CACNA2D1: variants seen among roughly 807,000 people sequenced by gnomAD.
The protein encoded by CACNA2D1 is voltage-dependent calcium channel subunit alpha-2/delta-1.
A neutral mutation model predicts 171.5 loss-of-function variants in CACNA2D1; 53 were observed. That is an observed-to-expected ratio of 0.31 (90% CI 0.25 to 0.39). The LOEUF (loss-of-function observed/expected upper bound fraction) is 0.39. CACNA2D1 is among the 10% of genes least tolerant of loss of function. The pLI, the probability that CACNA2D1 is intolerant of heterozygous loss-of-function variation, is 1.00. For synonymous variants in CACNA2D1, 442 were observed against 443.1 expected (o/e 1.00, Z 0.03); for missense variants, 903 against 1,299.8 (o/e 0.69, Z 4.69).
rs775065125 is a variant in CACNA2D1, at chr7:81,970,746, G to A, written c.2142-9C>T. The stretch of plus-strand genomic sequence containing the variant: ...GTGCTTTCACTCCCTTGCTGAAACA[G>A]AAGACAAAACAAGGAAATGTTCTAT... On this transcript the variant is annotated splice_polypyrimidine_tract_variant and intron_variant, in intron 26 of 38. Transcript: ENST00000356860. The A allele has an allele frequency of 9.0e-6, 14 of 1,548,340 alleles. No homozygotes were observed. Among genetic ancestry groups the A allele is most frequent in the Non-Finnish European group, 1.2e-5 (13 of 1,120,794 alleles).
At chr7:81,971,096 C>A in intron 26 of CACNA2D1, 1 of 247,836 alleles carries the variant, frequency 4.0e-6, no homozygotes, top group Non-Finnish European at 7.9e-6. Context: ...AGGAGAGAAA[C>A]AGTAAGAAGT....
At position 81,969,905 on chromosome 7, in the gene CACNA2D1, C is replaced by T. The variant is rs759061453; in HGVS notation, c.2284G>A (p.Val762Ile). Reference sequence around the variant, plus strand: ...CTGTTAAAGTAGGGAGCAGTGAAAACATAGTTATCATTATCTAGGCTCCTT... The same window carrying T: ...CTGTTAAAGTAGGGAGCAGTGAAAATATAGTTATCATTATCTAGGCTCCTT... The part of the protein sequence containing the change: ...YKRSLDNDNY[V>I]FTAPYFNKSG... Residue 762 changes from valine to isoleucine, a missense_variant, in exon 28 of 39, where the codon GTT (valine) becomes ATT (isoleucine). Coordinates refer to ENST00000356860, the MANE Select transcript of CACNA2D1 (RefSeq NM_000722.4). 6.2e-7 allele frequency: 1 copy of T among 1,602,970 alleles called. No individual in the cohort carries two copies. The highest frequency in any genetic ancestry group is 8.5e-7 in the Non-Finnish European group (1 of 1,171,064).
chr7:82,096,362 G>C (rs1429028822), intron 6 of CACNA2D1, among the ~76,000 whole-genome samples: 3 of 152,044 alleles, frequency 2.0e-5, no homozygotes, highest in Non-Finnish European at 4.4e-5. Context: ...AGACAGACAG[G>C]ACTTCTAACA....
chr7:82,054,097 T>A (rs1250494375), intron 10 of CACNA2D1, among the ~76,000 whole-genome samples: 1 of 152,208 alleles, frequency 6.6e-6, no homozygotes, highest in Non-Finnish European at 1.5e-5. Flanking sequence ...CCTTTAAAAC[T>A]GGCAGGCTTT....
intron 3 of CACNA2D1, among the ~76,000 whole-genome samples, chr7:82,198,015 G>A (rs1799026038): frequency 1.3e-5 from 2 of 151,986 alleles, no homozygotes; most frequent in African/African-American, 4.8e-5. Flanking sequence ...TGAATTCCAG[G>A]TACAGAGAGA....
chr7:82,382,288 A>G (rs1823799902), intron 1 of CACNA2D1, among the ~76,000 whole-genome samples: 2 of 152,246 alleles, frequency 1.3e-5, no homozygotes, highest in Non-Finnish European at 2.9e-5. Context: ...AATGAAAGTG[A>G]GACAGAAGCA....
chr7:82,077,657 T>C (rs1809154461), intron 7 of CACNA2D1, among the ~76,000 whole-genome samples: 1 of 152,116 alleles, frequency 6.6e-6, no homozygotes, highest in East Asian at 1.9e-4. Flanking sequence ...TTAATAATTA[T>C]TAGCATAAAA....
chr7:82,394,657 T>G (rs1264269979), intron 1 of CACNA2D1, among the ~76,000 whole-genome samples: 1 of 152,166 alleles, frequency 6.6e-6, no homozygotes, highest in Non-Finnish European at 1.5e-5. Flanking sequence ...TTTGGTTTTG[T>G]TTGCTTGTGT....
intron 3 of CACNA2D1, among the ~76,000 whole-genome samples, chr7:82,175,432 G>GT (rs1376887382): frequency 2.5e-4 from 38 of 152,122 alleles, no homozygotes; most frequent in African/African-American, 9.1e-4. Context: ...ACCCAATAAA[G>GT]ATTAGCAAAT....
At chr7:82,050,302 T>C (rs548333119) in intron 10 of CACNA2D1, 3 of 384,190 alleles carry the variant, frequency 7.8e-6, no homozygotes, top group African/African-American at 6.0e-5. Context: ...TCCTACAGTG[T>C]CATAGATAAA....
intron 3 of CACNA2D1, among the ~76,000 whole-genome samples, chr7:82,213,063 C>A (rs541335931): frequency 5.0e-4 from 76 of 151,972 alleles, no homozygotes; most frequent in Non-Finnish European, 9.7e-4. Flanking sequence ...CCACGCCCTG[C>A]TAATTTTTTG....
At chr7:82,267,322 G>A (rs1270511409) in intron 3 of CACNA2D1, among the ~76,000 whole-genome samples, 1 of 152,056 alleles carries the variant, frequency 6.6e-6, no homozygotes, top group Non-Finnish European at 1.5e-5. Context: ...TTTTTCTTCA[G>A]ATTGCTAATC....
intron 12 of CACNA2D1, among the ~76,000 whole-genome samples, chr7:82,024,799 C>A (rs889144570): frequency 6.6e-6 from 1 of 151,588 alleles, no homozygotes; most frequent in East Asian, 1.9e-4. Flanking sequence ...AGATTTTAAT[C>A]CATTTTGAGT....
chr7:82,174,181 TA>T (rs1796330562), intron 3 of CACNA2D1, among the ~76,000 whole-genome samples: 1 of 100,040 alleles, frequency 1.0e-5, no homozygotes, highest in Non-Finnish European at 2.1e-5. Context: ...AAAAAAAAAA[TA>T]AAAAACAGAA....
chr7:82,137,707 T>TAAAAAAAAAAAAA (rs1174278503), intron 4 of CACNA2D1, among the ~76,000 whole-genome samples: 1,991 of 78,472 alleles, frequency 0.025, 165 homozygotes, highest in Non-Finnish European at 0.033. Flanking sequence ...CCGTCTCTAC[T>TAAAAAAAAAAAAA]AAAAAAAAAA....
intron 3 of CACNA2D1, among the ~76,000 whole-genome samples, chr7:82,214,309 T>C (rs1279685630): frequency 2.0e-5 from 3 of 152,190 alleles, no homozygotes; most frequent in African/African-American, 7.2e-5. Flanking sequence ...CCTCAGTTGG[T>C]GAGATAGTGC....
intron 3 of CACNA2D1, among the ~76,000 whole-genome samples, chr7:82,300,873 A>G (rs2129424895): frequency 6.6e-6 from 1 of 152,226 alleles, no homozygotes; most frequent in East Asian, 1.9e-4. Context: ...ATTTTTCAAA[A>G]CAGTCTGAAT....
At chr7:82,193,183 AT>A (rs1280978924) in intron 3 of CACNA2D1, among the ~76,000 whole-genome samples, 1 of 138,970 alleles carries the variant, frequency 7.2e-6, no homozygotes. Flanking sequence ...ATTCAAGTAA[AT>A]AAGGCCAAAC....
At chr7:82,045,430 G>A (rs973966746) in intron 10 of CACNA2D1, among the ~76,000 whole-genome samples, 17 of 151,874 alleles carry the variant, frequency 1.1e-4, no homozygotes, top group African/African-American at 2.9e-4. Context: ...AAAATCAACC[G>A]TCTATCAGTC....
Sources: allele counts gnomAD v4.1 joint callset (sites outside exome capture counted in the v4.1 genomes callset), GRCh38; gene constraint gnomAD v4.1.1; transcripts MANE v1.5; gene names NCBI Gene and HGNC (gene_info 2026-07-23, HGNC 2026-07-21).